The following PCBP3 variants were observed in gnomAD, a reference collection of about 807,000 sequenced individuals.
PCBP3 encodes poly(rC)-binding protein 3.
Under a neutral mutation model 52.7 loss-of-function variants are expected in PCBP3, and 25 were observed. That is an observed-to-expected ratio of 0.47 (90% CI 0.35 to 0.66). The LOEUF is 0.66. Ranked by LOEUF, PCBP3 falls within the 30% of genes least tolerant of loss-of-function variation. The pLI, the probability that PCBP3 is intolerant of heterozygous loss-of-function variation, is 0.01. For missense variants in PCBP3, 391 were observed against 490.3 expected (o/e 0.80, Z 1.91); for synonymous variants, 162 against 183.0 (o/e 0.89, Z 0.93).
chr21:45,906,321 T>C lies in PCBP3; in HGVS notation c.340-3034T>C, dbSNP rs558290713. On this transcript the variant is annotated intron_variant, in intron 9 of 17. Coordinates refer to ENST00000681687, the MANE Select transcript of PCBP3 (RefSeq NM_001384156.1). Reference sequence around the variant, plus strand: ...GGCCCTGAGGTCTTCGGCAGATCAGTATCTTGGTATCTGTACTGGCAGGAC... The same window carrying C: ...GGCCCTGAGGTCTTCGGCAGATCAGCATCTTGGTATCTGTACTGGCAGGAC... Among the ~76,000 whole-genome samples the C allele has an allele frequency of 1.1e-4, 17 of 152,150 alleles. 1 individual carries two copies. The highest frequency in any genetic ancestry group is 4.1e-4 in the African/African-American group (17 of 41,516).
At position 45,654,338 on chromosome 21, in the gene PCBP3, A is replaced by ATTTTTT. The variant is rs398036499; in HGVS notation, c.-279+10486_-279+10491dup. 1.1e-4 allele frequency among the ~76,000 whole-genome samples: 12 copies of ATTTTTT among 109,392 alleles called. 1 individual carries two copies. Among genetic ancestry groups the ATTTTTT allele is most frequent in the Admixed American group, 5.3e-4 (5 of 9,492 alleles). The allele number at this position is 109,392 out of a possible 152,430, so 71.8% of individuals were successfully genotyped here. On this transcript the variant is annotated intron_variant, in intron 1 of 17. Coordinates refer to ENST00000681687, the MANE Select transcript of PCBP3 (RefSeq NM_001384156.1). ...GCAGGTCAGCTGATGTAGACATTGCATTTTTTTTTTTTTTTTTTTTTGAGA... is the reference window on the plus strand; with the variant it reads ...GCAGGTCAGCTGATGTAGACATTGCATTTTTTTTTTTTTTTTTTTTTTTTTTTGAGA...
Position 45,724,066 on chromosome 21 carries a change from G to C in PCBP3, c.-199-11326G>C, listed in dbSNP as rs1330097673. On this transcript the variant is annotated intron_variant, in intron 2 of 17. Coordinates refer to ENST00000681687, the MANE Select transcript of PCBP3 (RefSeq NM_001384156.1). The surrounding 1 kb of genome is among the most constrained non-coding windows in gnomAD (Gnocchi z 5.3). Reference sequence around the variant, plus strand: ...CAATTCACTCACCTGGAGGGGGTAAGTTAATGAGACACTCTCTCCCCCAGA... The same window carrying C: ...CAATTCACTCACCTGGAGGGGGTAACTTAATGAGACACTCTCTCCCCCAGA... Among the ~76,000 whole-genome samples the C allele has an allele frequency of 6.6e-6, 1 of 152,182 alleles. No individual in the cohort carries two copies.
intron 13 of PCBP3, among the ~76,000 whole-genome samples, chr21:45,923,357 C>T (rs1429935080): frequency 1.3e-5 from 2 of 152,204 alleles, no homozygotes. Flanking sequence ...CAGCGGCTTG[C>T]CCATGGCCCC....
intron 5 of PCBP3, among the ~76,000 whole-genome samples, chr21:45,883,119 GT>G (rs2095440481): frequency 6.6e-6 from 1 of 152,306 alleles, no homozygotes; most frequent in Admixed American, 6.5e-5. Context: ...AGGTCAATGT[GT>G]TTTTTGATGT....
rs577406028 is a variant in PCBP3 at position 45,805,468 on chromosome 21, T to C, written c.-125-44493T>C. Among the ~76,000 whole-genome samples the C allele has an allele frequency of 2.0e-5, 3 of 152,228 alleles. No homozygotes were observed. The highest frequency in any genetic ancestry group is 4.4e-5 in the Non-Finnish European group (3 of 68,004). On this transcript the variant is annotated intron_variant, in intron 4 of 17. Coordinates refer to ENST00000681687, the MANE Select transcript of PCBP3 (RefSeq NM_001384156.1). This position sits in a 1 kb window ranked among gnomAD's most constrained non-coding sequence, Gnocchi z 4.6. ...TTCTGGAGCCCCCTGTCTTCCCTTA[T>C]CCACTGCCTCAAGGTTCCCACCAGC...
At chr21:45,710,897 G>GC (rs2148142427) in intron 2 of PCBP3, among the ~76,000 whole-genome samples, 1 of 152,300 alleles carries the variant, frequency 6.6e-6, no homozygotes, top group African/African-American at 2.4e-5. Flanking sequence ...GTTCCATGTT[G>GC]CATTTTTTTT....
At chr21:45,688,011 A>C (rs1215429306) in intron 2 of PCBP3, among the ~76,000 whole-genome samples, 2 of 152,178 alleles carry the variant, frequency 1.3e-5, no homozygotes, top group Non-Finnish European at 2.9e-5. Flanking sequence ...GATTACAGGC[A>C]TGAGCCACCG....
At chr21:45,747,548 G>A (rs2087013748) in intron 3 of PCBP3, among the ~76,000 whole-genome samples, 1 of 152,238 alleles carries the variant, frequency 6.6e-6, no homozygotes, top group Non-Finnish European at 1.5e-5. Flanking sequence ...GGGCCTGCGG[G>A]GATGGGCAGC....
In PCBP3 at chr21:45,706,508, C is replaced by G. The variant is rs369276384; in HGVS notation, c.-199-28884C>G. ...CTCTGCCATCTCTCTCTACTGCCCC[C>G]CTTTCCCTACCTATCTCTATTTCTC... is the stretch of plus-strand genomic sequence containing the variant. On this transcript the variant is annotated intron_variant, in intron 2 of 17. Transcript: ENST00000681687. Among the ~76,000 whole-genome samples the G allele has an allele frequency of 3.3e-5, 5 of 152,124 alleles. No homozygotes were observed. The East Asian group carries it at 9.7e-4, about 29-fold the overall frequency.
intron 3 of PCBP3, chr21:45,751,145 C>G (rs1433416292): frequency 6.6e-6 from 1 of 152,134 alleles, no homozygotes; most frequent in Non-Finnish European, 1.5e-5. Context: ...CTGGCAAACA[C>G]TACAGGCCGG....
At chr21:45,705,982 C>T (rs2083425055) in intron 2 of PCBP3, among the ~76,000 whole-genome samples, 1 of 152,188 alleles carries the variant, frequency 6.6e-6, no homozygotes, top group Non-Finnish European at 1.5e-5. Flanking sequence ...GTGTGAAAGT[C>T]AGTTTTGAAG....
intron 4 of PCBP3, among the ~76,000 whole-genome samples, chr21:45,849,341 G>T (rs183993459): frequency 4.6e-5 from 7 of 152,062 alleles, no homozygotes; most frequent in African/African-American, 9.7e-5. Context: ...GAGTAGCTGG[G>T]ATTACAGGTG....
intron 4 of PCBP3, among the ~76,000 whole-genome samples, chr21:45,849,074 G>A (rs2093890890): frequency 6.6e-6 from 1 of 152,144 alleles, no homozygotes; most frequent in African/African-American, 2.4e-5. Context: ...ACTGAATGGT[G>A]CATTTGGAGA....
Position 45,704,744 on chromosome 21 carries a change from C to A in PCBP3, c.-199-30648C>A, listed in dbSNP as rs2083341105. 6.6e-6 allele frequency among the ~76,000 whole-genome samples: 1 copy of A among 152,194 alleles called. No homozygotes were observed. Among genetic ancestry groups the A allele is most frequent in the Admixed American group, 6.5e-5 (1 of 15,278 alleles). Reference sequence around the variant, plus strand: ...CTGGAAGAACAGAAGTTGCTGCTGGCAGAGTTCCAAAACATGAAAATGTAA... The same window carrying A: ...CTGGAAGAACAGAAGTTGCTGCTGGAAGAGTTCCAAAACATGAAAATGTAA... On this transcript the variant is annotated intron_variant, in intron 2 of 17. Coordinates refer to ENST00000681687, the MANE Select transcript of PCBP3 (RefSeq NM_001384156.1). The surrounding 1 kb of genome is among the most constrained non-coding windows in gnomAD (Gnocchi z 4.1).
chr21:45,857,563 T>C (rs747177094), intron 5 of PCBP3, among the ~76,000 whole-genome samples: 2 of 152,130 alleles, frequency 1.3e-5, no homozygotes, highest in Non-Finnish European at 2.9e-5. Context: ...ATACACCACC[T>C]ATAACCCCCC....
chr21:45,874,431 A>G (rs1212942210), intron 5 of PCBP3, among the ~76,000 whole-genome samples: 1 of 151,128 alleles, frequency 6.6e-6, no homozygotes, highest in East Asian at 1.9e-4. Context: ...GGTTTCACAC[A>G]TCTTTTGTTG....
chr21:45,738,025 G>T (rs2086018063), intron 3 of PCBP3, among the ~76,000 whole-genome samples: 1 of 152,108 alleles, frequency 6.6e-6, no homozygotes. Flanking sequence ...GCCTTCCCTG[G>T]GCTGTGTGTG....
chr21:45,891,751 G>A (rs1054110802), intron 5 of PCBP3, among the ~76,000 whole-genome samples: 8 of 152,194 alleles, frequency 5.3e-5, no homozygotes, highest in African/African-American at 1.9e-4. Context: ...CATTACACAC[G>A]CAAGGTTAAA....
At chr21:45,722,174 A>G (rs1222447399) in intron 2 of PCBP3, among the ~76,000 whole-genome samples, 1 of 152,214 alleles carries the variant, frequency 6.6e-6, no homozygotes, top group East Asian at 1.9e-4. Flanking sequence ...TTAGAAAGCA[A>G]TTAGCGTTTA....
Sources: gnomAD v4.1 joint callset for allele counts (sites outside exome capture counted in the v4.1 genomes callset) on GRCh38, gnomAD v4.1.1 for gene constraint, Gnocchi (gnomAD v3.1) non-coding constraint, MANE v1.5 for transcripts, NCBI Gene and HGNC (gene_info 2026-07-23, HGNC 2026-07-21) for gene names.